Variants in CDC42EP4 observed in about 807,000 individuals in gnomAD.
CDC42EP4 encodes CDC42 effector protein 4, also known as CDC42 effector protein (Rho GTPase binding) 4.
Under a neutral mutation model 5.6 loss-of-function variants are expected in CDC42EP4, and 6 were observed. The observed-to-expected ratio is 1.07, with a 90% CI of 0.59 to 2.12. The LOEUF is 2.12. Ranked by LOEUF, CDC42EP4 falls within the 30% of genes most tolerant of loss-of-function variation. CDC42EP4 has a pLI of 0.00. For synonymous variants in CDC42EP4, 230 were observed against 224.2 expected, an observed-to-expected ratio of 1.03 and a Z score of -0.23; for missense variants, 490 against 508.6, an observed-to-expected ratio of 0.96 and a Z score of 0.35.
At chr17:73,307,758 CTCTTT>C (rs1198990906) in intron 1 of CDC42EP4, among the ~76,000 whole-genome samples, 1 of 110,928 alleles carries the variant, frequency 9.0e-6, no homozygotes, top group Admixed American at 1.0e-4. Context: ...CTGAATTTCT[CTCTTT>C]TTTTTTTTTT....
intron 1 of CDC42EP4, chr17:73,306,563 C>G (rs1367408858): frequency 2.0e-5 from 3 of 152,202 alleles, no homozygotes; most frequent in Non-Finnish European, 4.4e-5. Flanking sequence ...ATAATCTGAT[C>G]TTTTGGACCT....
At chr17:73,301,826 C>T (rs114010074) in intron 1 of CDC42EP4, among the ~76,000 whole-genome samples, 5,575 of 151,484 alleles carry the variant, frequency 0.037, 245 homozygotes, top group African/African-American at 0.096. Context: ...TGTGGCTCAG[C>T]GTCCAGGCGT....
chr17:73,300,362 G>A (rs935695045), intron 1 of CDC42EP4, among the ~76,000 whole-genome samples: 2 of 152,196 alleles, frequency 1.3e-5, no homozygotes, highest in Non-Finnish European at 1.5e-5. Context: ...GGGTCAGGGA[G>A]GGAGGAGTCT....
At chr17:73,306,105 G>A (rs1024051882) in intron 1 of CDC42EP4, among the ~76,000 whole-genome samples, 2 of 152,288 alleles carry the variant, frequency 1.3e-5, no homozygotes, top group Non-Finnish European at 2.9e-5. Context: ...TGGTGAGGTG[G>A]AGGTGGGAAA....
chr17:73,302,752 T>C (rs2062224936), intron 1 of CDC42EP4, among the ~76,000 whole-genome samples: 1 of 152,176 alleles, frequency 6.6e-6, no homozygotes, highest in Admixed American at 6.6e-5. Context: ...CATTTAAAAA[T>C]TGACAATTGG....
At chr17:73,311,137 G>C (rs2062272820) in intron 1 of CDC42EP4, 1 of 152,184 alleles carries the variant, frequency 6.6e-6, no homozygotes, top group South Asian at 2.1e-4. Flanking sequence ...CGGGTGGCTC[G>C]ACTGCCCTCC....
At chr17:73,299,445 ACAC>A (rs1568344373) in intron 1 of CDC42EP4, among the ~76,000 whole-genome samples, 33,062 of 103,606 alleles carry the variant, frequency 0.32, 4,492 homozygotes, top group Non-Finnish European at 0.38. Context: ...AAAAAAAAAT[ACAC>A]ACACACACAC....
intron 1 of CDC42EP4, among the ~76,000 whole-genome samples, chr17:73,288,685 C>T (rs2062145783): frequency 6.6e-6 from 1 of 152,152 alleles, no homozygotes. Flanking sequence ...TCCCTCCTCT[C>T]CTCCCCTTCT....
chr17:73,310,743 T>TCACACACACACACACA (rs57841496), intron 1 of CDC42EP4: 7 of 134,540 alleles, frequency 5.2e-5, no homozygotes. Flanking sequence ...CCTCCCCCAG[T>TCACACACACACACACA]CACACACACA....
At chr17:73,293,017 T>A (rs1443131822) in intron 1 of CDC42EP4, among the ~76,000 whole-genome samples, 2 of 152,064 alleles carry the variant, frequency 1.3e-5, no homozygotes, top group East Asian at 3.9e-4. Flanking sequence ...CCTGGCCGAT[T>A]TTTTTATGTT....
rs2062269878 is a variant in CDC42EP4 at position 73,310,771 on chromosome 17, A to ACACACACACACGCACT, written c.-113+1121_-113+1122insAGTGCGTGTGTGTGTG. 3 of 152,280 alleles carry ACACACACACACGCACT rather than the reference A, an allele frequency of 2.0e-5. 1 individual carries two copies. In the South Asian group the frequency reaches 6.2e-4, roughly 32 times the overall value. 9.4% of individuals were successfully genotyped at this position (152,280 alleles called of 1,614,324 possible). On this transcript the variant is annotated intron_variant, in intron 1 of 1. Transcript: ENST00000335793. Reference sequence around the variant, plus strand: ...CACACACACACACACACACACACACACACACACACACACACACACACACGC... The same window carrying ACACACACACACGCACT: ...CACACACACACACACACACACACACACACACACACACGCACTCACACACACACACACACACACACGC...
chr17:73,293,081 C>G (rs1185002294), intron 1 of CDC42EP4, among the ~76,000 whole-genome samples: 1 of 152,204 alleles, frequency 6.6e-6, no homozygotes, highest in South Asian at 2.1e-4. Context: ...CTCCTGGCAT[C>G]AAGCAATCCA....
At chr17:73,296,642 G>C (rs546496136) in intron 1 of CDC42EP4, among the ~76,000 whole-genome samples, 66 of 152,188 alleles carry the variant, frequency 4.3e-4, no homozygotes, top group African/African-American at 1.6e-3. Context: ...AAGGTCAGGA[G>C]TGCAGTACCA....
chr17:73,293,772 A>C (rs2062172363), intron 1 of CDC42EP4, among the ~76,000 whole-genome samples: 1 of 152,246 alleles, frequency 6.6e-6, no homozygotes, highest in Non-Finnish European at 1.5e-5. Context: ...ATAGGAAAGC[A>C]CAGGGAAGGC....
chr17:73,301,403 T>G (rs2062218550), intron 1 of CDC42EP4, among the ~76,000 whole-genome samples: 1 of 152,224 alleles, frequency 6.6e-6, no homozygotes. Context: ...GGTCAAAATA[T>G]TTACATGTTA....
rs2062137642 is a variant in CDC42EP4 at position 73,286,867 on chromosome 17, G to C, written c.-112-255C>G. On this transcript the variant is annotated intron_variant, in intron 1 of 1. Transcript: ENST00000335793. The surrounding 1 kb of genome is among the most constrained non-coding windows in gnomAD (Gnocchi z 7.7). Reference sequence around the variant, plus strand: ...CTTTCCCTGAAACTTGAGAGAGACAGAACCTTTCTTGCAGAAGACAATGCC... The same window carrying C: ...CTTTCCCTGAAACTTGAGAGAGACACAACCTTTCTTGCAGAAGACAATGCC... 4.7e-6 allele frequency: 1 copy of C among 213,302 alleles called. No individual in the cohort carries two copies. The highest frequency in any genetic ancestry group is 5.1e-5 in the Admixed American group (1 of 19,464). 13.2% of individuals were successfully genotyped at this position (213,302 alleles called of 1,614,324 possible).
chr17:73,305,328 C>A (rs924623971), intron 1 of CDC42EP4, among the ~76,000 whole-genome samples: 2 of 152,224 alleles, frequency 1.3e-5, no homozygotes, highest in African/African-American at 4.8e-5. Flanking sequence ...GGCCCTCCTC[C>A]TCTAGGAGTG....
In CDC42EP4 at chr17:73,306,827, C is replaced by A. The variant is rs558323667; in HGVS notation, c.-113+5066G>T. 22 of 152,402 alleles carry A rather than the reference C, an allele frequency of 1.4e-4. No homozygotes were observed. The East Asian group carries it at 1.5e-3, about 11-fold the overall frequency. The allele number at this position is 152,402 out of a possible 1,614,324, so 9.4% of individuals were successfully genotyped here. A position where few individuals can be genotyped will look rare whatever the true frequency, so the allele number is the denominator to read the frequency against. On this transcript the variant is annotated intron_variant, in intron 1 of 1. Coordinates refer to ENST00000335793, the MANE Select transcript of CDC42EP4 (RefSeq NM_012121.5). Reference sequence around the variant, plus strand: ...AGGAAAGAGAAGCCAGCACACAGAACCTGGCTTTGTTGGCACACTTGGAGA... The same window carrying A: ...AGGAAAGAGAAGCCAGCACACAGAAACTGGCTTTGTTGGCACACTTGGAGA...
At chr17:73,288,921 G>A (rs925927341) in intron 1 of CDC42EP4, among the ~76,000 whole-genome samples, 17 of 152,310 alleles carry the variant, frequency 1.1e-4, no homozygotes, top group African/African-American at 3.9e-4. Flanking sequence ...ACACAGTGAC[G>A]TGGGCGAGGA....
Sources: gnomAD v4.1 joint callset for allele counts (sites outside exome capture counted in the v4.1 genomes callset) on GRCh38, gnomAD v4.1.1 for gene constraint, Gnocchi (gnomAD v3.1) non-coding constraint, MANE v1.5 for transcripts, NCBI Gene and HGNC (gene_info 2026-07-23, HGNC 2026-07-21) for gene names.